The following VPS13D variants were observed in gnomAD, a reference collection of about 807,000 sequenced individuals.
VPS13D encodes the protein vacuolar protein sorting 13 homolog D, also known as intermembrane lipid transfer protein VPS13D.
In VPS13D, 187 loss-of-function variants were observed where a neutral mutation model predicts 461.9. The observed-to-expected ratio is 0.40, with a 90% CI of 0.36 to 0.46. The LOEUF (loss-of-function observed/expected upper bound fraction) is 0.46, where lower values mean the gene tolerates loss of function less well. VPS13D is among the 20% of genes least tolerant of loss of function. The pLI, the probability that VPS13D is intolerant of heterozygous loss-of-function variation, is 0.60. For synonymous variants in VPS13D, 1,951 were observed against 1,986.3 expected (o/e 0.98, Z 0.47); for missense variants, 4,711 against 5,364.9 (o/e 0.88, Z 3.81).
chr1:12,358,655 G>A, intron 50 of VPS13D, 54 bp downstream of exon 50: 2 of 1,592,742 alleles, frequency 1.3e-6, no homozygotes, highest in Non-Finnish European at 1.7e-6. Context: ...GATGACCTCA[G>A]GCTTGGAGGA....
At chr1:12,477,073 A>G (rs1645641907) in intron 67 of VPS13D, among the ~76,000 whole-genome samples, 1 of 152,228 alleles carries the variant, frequency 6.6e-6, no homozygotes, top group Non-Finnish European at 1.5e-5. Context: ...GCCAGTGGGC[A>G]TGTAGTTGCT....
chr1:12,368,129 G>A (rs551133280), intron 52 of VPS13D, among the ~76,000 whole-genome samples: 6 of 152,036 alleles, frequency 3.9e-5, no homozygotes, highest in East Asian at 3.9e-4. Context: ...ATATTTTTCC[G>A]TTAAGGTAAA....
intron 13 of VPS13D, among the ~76,000 whole-genome samples, chr1:12,266,086 G>A (rs1273298758): frequency 6.6e-6 from 1 of 152,176 alleles, no homozygotes; most frequent in Non-Finnish European, 1.5e-5. Context: ...GATCCCTTGA[G>A]CCCAGGACTT....
chr1:12,396,972 C>T (rs1455181822), intron 60 of VPS13D, among the ~76,000 whole-genome samples: 12 of 152,122 alleles, frequency 7.9e-5, no homozygotes, highest in South Asian at 2.1e-4. Flanking sequence ...CTCACTCTGT[C>T]GCCCAGGCTG....
rs1181923962 is a variant in VPS13D at position 12,315,022 on chromosome 1, C to A, written c.7148+695C>A. Among the ~76,000 whole-genome samples, 6 of 152,280 alleles carry A rather than the reference C, an allele frequency of 3.9e-5. No individual in the cohort carries two copies. The East Asian group carries it at 7.7e-4, about 20-fold the overall frequency. ...CTGGCATATTGCTTGGCACAGTTGG[C>A]AGCTGTCATTGTTATGCTGATATAA... On this transcript the variant is annotated intron_variant, in intron 30 of 69. Transcript: ENST00000620676.
At chr1:12,435,419 C>G (rs1208326928) in intron 65 of VPS13D, among the ~76,000 whole-genome samples, 4 of 152,156 alleles carry the variant, frequency 2.6e-5, no homozygotes, top group Admixed American at 2.6e-4. Flanking sequence ...TGTGTTTGCA[C>G]CATCACATTC....
At chr1:12,480,788 CAA>C (rs1645704750) in intron 67 of VPS13D, among the ~76,000 whole-genome samples, 1 of 152,192 alleles carries the variant, frequency 6.6e-6, no homozygotes. Flanking sequence ...AATCTCAAGA[CAA>C]AGAGGGCACT....
chr1:12,352,912 C>CCAAGA (rs1212502261), intron 46 of VPS13D, among the ~76,000 whole-genome samples: 12 of 122,430 alleles, frequency 9.8e-5, no homozygotes, highest in South Asian at 5.4e-4. Context: ...TTGCAGTGAG[C>CCAAGA]CAAGATAGCA....
At position 12,495,206 on chromosome 1, in the gene VPS13D, G is replaced by C. The variant is rs1366089295; in HGVS notation, c.12663-2294G>C. On this transcript the variant is annotated intron_variant, in intron 67 of 69. Transcript: ENST00000620676. This position sits in a 1 kb window ranked among gnomAD's most constrained non-coding sequence, Gnocchi z 4.0. ...GCTCTGTCGCCCAGGCTGGAGTGCA[G>C]TGGCAGGATCTCGGCTCACTGCAAG... is the stretch of plus-strand genomic sequence containing the variant. Among the ~76,000 whole-genome samples the C allele has an allele frequency of 6.7e-6, 1 of 149,190 alleles. No homozygotes were observed. The highest frequency in any genetic ancestry group is 2.0e-4 in the East Asian group (1 of 5,070).
rs1644858453 is a variant in VPS13D at position 12,421,162 on chromosome 1, A to T, written c.12333+4335A>T. ...ATCTCCCAACGCTAGAAATCAGCAT[A>T]TGGATTCAAATGTAAGATTTAAGTC... On this transcript the variant is annotated intron_variant, in intron 65 of 69. Coordinates refer to ENST00000620676, the MANE Select transcript of VPS13D (RefSeq NM_015378.4). Among the ~76,000 whole-genome samples the T allele has an allele frequency of 2.0e-5, 3 of 152,176 alleles. No homozygotes were observed. The South Asian group carries it at 6.2e-4, about 31-fold the overall frequency.
intron 65 of VPS13D, among the ~76,000 whole-genome samples, chr1:12,428,419 C>A (rs11121906): frequency 0.082 from 12,481 of 152,264 alleles, 777 homozygotes; most frequent in African/African-American, 0.16. Context: ...AGGACATTTT[C>A]TAGTTAGGCA....
intron 1 of VPS13D, among the ~76,000 whole-genome samples, chr1:12,233,890 T>C (rs890830421): frequency 7.0e-6 from 1 of 142,078 alleles, no homozygotes; most frequent in Non-Finnish European, 1.5e-5. Flanking sequence ...CTACTAAAAA[T>C]ACAAAAAATC....
chr1:12,495,920 C>CCGCTG lies in VPS13D; in HGVS notation c.12663-1578_12663-1574dup, dbSNP rs1453842490. Among the ~76,000 whole-genome samples the CCGCTG allele has an allele frequency of 1.3e-5, 2 of 152,210 alleles. No homozygotes were observed. Among genetic ancestry groups the CCGCTG allele is most frequent in the African/African-American group, 4.8e-5 (2 of 41,448 alleles). ...GCACGCCAAGCTCCTTCCCCCAACC[C>CCGCTG]CGCTGCCTGCAGAGGTTACCAGCAT... is the stretch of plus-strand genomic sequence containing the variant. On this transcript the variant is annotated intron_variant, in intron 67 of 69. Transcript: ENST00000620676. This position sits in a 1 kb window ranked among gnomAD's most constrained non-coding sequence, Gnocchi z 4.0.
At position 12,331,711 on chromosome 1, in the gene VPS13D, T is replaced by TAA. The variant is rs757913489; in HGVS notation, c.8288-1492_8288-1491dup. ...TAGGCGACAGAGCGAGACTCTGTCT[T>TAA]AAAAAAAAAAAAAAAAAAAAAAAAG... On this transcript the variant is annotated intron_variant, in intron 37 of 69. Transcript: ENST00000620676. Among the ~76,000 whole-genome samples, 386 of 106,168 alleles carry TAA rather than the reference T, an allele frequency of 3.6e-3. 12 individuals are homozygous for TAA. In the East Asian group the frequency reaches 0.046, roughly 13 times the overall value. 69.7% of individuals were successfully genotyped at this position (106,168 alleles called of 152,430 possible).
intron 65 of VPS13D, among the ~76,000 whole-genome samples, chr1:12,436,191 G>A (rs1645058612): frequency 6.6e-6 from 1 of 152,242 alleles, no homozygotes; most frequent in African/African-American, 2.4e-5. Context: ...ATGTGGGAAA[G>A]TGTTCCAGGT....
chr1:12,242,726 T>A, intron 3 of VPS13D, 136 bp downstream of exon 3: 1 of 752,788 alleles, frequency 1.3e-6, no homozygotes, highest in Non-Finnish European at 2.2e-6. Context: ...TAGGCCAGTC[T>A]TAAAGTGTGG....
chr1:12,411,490 A>AAGGAGGGAGGGATAGAGAGAAGGGGGAGG, intron 63 of VPS13D, among the ~76,000 whole-genome samples: 1 of 143,190 alleles, frequency 7.0e-6, no homozygotes, highest in Non-Finnish European at 1.5e-5. Context: ...GGAAGGAAGG[A>AAGGAGGGAGGGATAGAGAGAAGGGGGAGG]AGGAGGGAGG....
At chr1:12,472,770 A>T (rs1645579693) in intron 67 of VPS13D, among the ~76,000 whole-genome samples, 1 of 152,038 alleles carries the variant, frequency 6.6e-6, no homozygotes, top group South Asian at 2.1e-4. Flanking sequence ...TTTACCCCCA[A>T]CTAGTGGCTC....
At chr1:12,455,957 C>T (rs2100397610) in intron 65 of VPS13D, 41 bp from the exon 66 acceptor site, 1 of 1,559,148 alleles carries the variant, frequency 6.4e-7, no homozygotes, top group Non-Finnish European at 8.6e-7. Context: ...AAAATAGTGC[C>T]AAGACTTTAA....
Sources: gnomAD v4.1 joint callset for allele counts (sites outside exome capture counted in the v4.1 genomes callset) on GRCh38, gnomAD v4.1.1 for gene constraint, Gnocchi (gnomAD v3.1) non-coding constraint, MANE v1.5 for transcripts, NCBI Gene and HGNC (gene_info 2026-07-23, HGNC 2026-07-21) for gene names.